Variants in DDO observed in about 807,000 individuals in gnomAD.
DDO encodes D-aspartate oxidase, DDO.
Under a neutral mutation model 16.8 loss-of-function variants are expected in DDO, and 16 were observed. The ratio of observed to expected loss-of-function variants is 0.95; its 90% CI spans 0.65 to 1.45. DDO has a LOEUF of 1.45. Among genes scored for constraint, DDO ranks in the 40% most tolerant of loss-of-function variants. The probability of loss-of-function intolerance (pLI) is 0.00; values close to 1 mark genes in which losing one functional copy is unlikely to be tolerated. For missense variants in DDO, 429 were observed against 420.3 expected, an observed-to-expected ratio of 1.02 and a Z score of -0.18; for synonymous variants, 180 against 167.2, an observed-to-expected ratio of 1.08 and a Z score of -0.59.
intron 1 of DDO, 113 bp from the exon 2 acceptor site, chr6:110,413,579 T>A: frequency 9.4e-7 from 1 of 1,059,162 alleles, no homozygotes; most frequent in Non-Finnish European, 1.4e-6. Context: ...GAATAAGACT[T>A]AGCCTATTGG....
intron 1 of DDO, among the ~76,000 whole-genome samples, chr6:110,414,307 GC>G (rs1316754797): frequency 6.6e-6 from 1 of 152,224 alleles, no homozygotes; most frequent in Non-Finnish European, 1.5e-5. Flanking sequence ...ACTGTCACCG[GC>G]CCCCTGTCTG....
rs750913878 is a variant in DDO, at chr6:110,413,247, A to G, written c.172+44T>C. ...AATAGAATTCCACTAACATCATTCTATCTGACATCTATTGTATCTGATAGA... is the reference window on the plus strand; with the variant it reads ...AATAGAATTCCACTAACATCATTCTGTCTGACATCTATTGTATCTGATAGA... On this transcript the variant is annotated intron_variant, in intron 2 of 4. Transcript: ENST00000368924. 3.1e-6 allele frequency: 5 copies of G among 1,593,978 alleles called. No individual in the cohort carries two copies. The African/African-American group carries it at 4.0e-5, about 13-fold the overall frequency.
At chr6:110,390,329 A>G (rs892661340), downstream of DDO, among the ~76,000 whole-genome samples, 5 of 152,206 alleles carry the variant, frequency 3.3e-5, no homozygotes, top group Non-Finnish European at 5.9e-5. Flanking sequence ...CACCCACCAA[A>G]GATTCTAATT....
chr6:110,401,463 TTAA>T (rs1773483389), intron 4 of DDO, among the ~76,000 whole-genome samples: 1 of 147,692 alleles, frequency 6.8e-6, no homozygotes, highest in Admixed American at 6.7e-5. Context: ...AAAAAGTGCT[TTAA>T]AAAAAAAAAA....
intron 4 of DDO, among the ~76,000 whole-genome samples, chr6:110,397,233 T>C (rs1236192087): frequency 6.6e-6 from 1 of 152,212 alleles, no homozygotes; most frequent in Non-Finnish European, 1.5e-5. Flanking sequence ...AAAAAGTGCT[T>C]AGGGGTTTTT....
At chr6:110,395,002 G>A (rs1773246294) in intron 4 of DDO, among the ~76,000 whole-genome samples, 3 of 152,310 alleles carry the variant, frequency 2.0e-5, no homozygotes, top group Admixed American at 1.3e-4. Context: ...CTGGAAGTAA[G>A]TGTTAGCCAA....
intron 4 of DDO, among the ~76,000 whole-genome samples, chr6:110,394,602 C>T (rs1773230658): frequency 6.6e-6 from 1 of 152,168 alleles, no homozygotes; most frequent in African/African-American, 2.4e-5. Context: ...TGACAGTGCC[C>T]TTCGTCAAGG....
chr6:110,403,667 T>C (rs1773554842), intron 4 of DDO, among the ~76,000 whole-genome samples: 1 of 152,234 alleles, frequency 6.6e-6, no homozygotes, highest in Non-Finnish European at 1.5e-5. Context: ...TAGATTACGA[T>C]GCCACTGACA....
chr6:110,403,910 G>A (rs933039998), intron 4 of DDO, among the ~76,000 whole-genome samples: 1 of 152,192 alleles, frequency 6.6e-6, no homozygotes, highest in African/African-American at 2.4e-5. Flanking sequence ...AACAAAAGTT[G>A]TGTAATTAAT....
At chr6:110,405,409 C>T (rs191588399) in intron 3 of DDO, among the ~76,000 whole-genome samples, 5 of 152,284 alleles carry the variant, frequency 3.3e-5, no homozygotes, top group Admixed American at 3.3e-4. Flanking sequence ...CTCTTAGGTT[C>T]AGATAACTCA....
intron 1 of DDO, among the ~76,000 whole-genome samples, chr6:110,413,788 C>A (rs1773945868): frequency 6.6e-6 from 1 of 151,722 alleles, no homozygotes; most frequent in South Asian, 2.1e-4. Flanking sequence ...TTTTTTTTCC[C>A]CCTGAAAGGG....
Position 110,392,810 on chromosome 6 carries a change from C to T in DDO, c.991G>A (p.Ala331Thr), listed in dbSNP as rs757897584. The stretch of plus-strand genomic sequence containing the variant: ...GACTTGGGAATGGGGGTCCTGAGGG[C>T]ATGGACACACTCGCTCACCAGCCTG... ...AARLVSECVHALRTPIPKSNL is the reference protein window; with the variant it reads ...AARLVSECVHTLRTPIPKSNL Residue 331 changes from alanine to threonine, a missense_variant, in exon 5 of 5, where the codon GCC becomes ACC. Transcript: ENST00000368924. The T allele has an allele frequency of 6.3e-7, 1 of 1,597,996 alleles. No individual in the cohort carries two copies. The highest frequency in any genetic ancestry group is 1.1e-5 in the South Asian group (1 of 88,902).
intron 4 of DDO, among the ~76,000 whole-genome samples, chr6:110,400,539 T>C (rs1236159784): frequency 3.9e-5 from 6 of 152,172 alleles, no homozygotes; most frequent in Admixed American, 3.9e-4. Context: ...CCTCTTCAGG[T>C]GCCCTGGGCC....
At chr6:110,403,539 T>A (rs530668867) in intron 4 of DDO, among the ~76,000 whole-genome samples, 1 of 152,328 alleles carries the variant, frequency 6.6e-6, no homozygotes, top group African/African-American at 2.4e-5. Flanking sequence ...GTTTATGGGC[T>A]GGTGAACAAG....
Position 110,413,390 on chromosome 6 carries a change from G to A in DDO, c.73C>T (p.Leu25=). 6.2e-7 allele frequency: 1 copy of A among 1,614,168 alleles called. No individual in the cohort carries two copies. The change falls in exon 2 of 5, where the codon CTG becomes TTG. Residue 25 remains leucine (L), a synonymous_variant. Coordinates refer to ENST00000368924, the MANE Select transcript of DDO (RefSeq NM_001372108.2). ...ATGGTAACGGAGCATCGGGGCACCAGTTTGGAGATGCACACAGCCGTGGAG... is the reference window on the plus strand; with the variant it reads ...ATGGTAACGGAGCATCGGGGCACCAATTTGGAGATGCACACAGCCGTGGAG... The part of the protein sequence containing the change: ...GLSTAVCISK[L]VPRCSVTIIS...
chr6:110,411,158 C>T (rs554150413), intron 2 of DDO, among the ~76,000 whole-genome samples: 91 of 152,200 alleles, frequency 6.0e-4, no homozygotes, highest in African/African-American at 2.1e-3. Flanking sequence ...AAACAGGACC[C>T]GCCCAAGAAG....
intron 4 of DDO, among the ~76,000 whole-genome samples, chr6:110,404,011 A>G (rs1773566838): frequency 6.6e-6 from 1 of 152,234 alleles, no homozygotes; most frequent in South Asian, 2.1e-4. Context: ...CAACATTTAC[A>G]CAATAATTCA....
chr6:110,393,220 G>A lies in DDO; in HGVS notation c.581C>T (p.Ser194Leu), dbSNP rs145245009. 4.3e-5 allele frequency: 70 copies of A among 1,614,246 alleles called. 1 individual carries two copies. In the African/African-American group the frequency reaches 8.7e-4, roughly 20 times the overall value. ...TTGGCCCCTTACAGGGAAAATCTTT[G>A]AGTCTCCTGCAAGCTGTCTGCTTCC... Reference protein sequence around the residue: ...GLGSRQLAGDSKIFPVRGQVL... With the variant: ...GLGSRQLAGDLKIFPVRGQVL... Residue 194 changes from serine (S) to leucine (L), a missense_variant, in exon 5 of 5, where the codon TCA (serine) becomes TTA (leucine). Physicochemically the swap from Ser to Leu is moderately radical, Grantham distance 145 (BLOSUM62 -2). Transcript: ENST00000368924.
rs1582466595 is a variant in DDO, at chr6:110,392,652, C to G, written c.*123G>C. 1.9e-5 allele frequency: 26 copies of G among 1,392,526 alleles called. No homozygotes were observed. The East Asian group carries it at 6.8e-4, about 36-fold the overall frequency. The allele number at this position is 1,392,526 out of a possible 1,614,324, so 86.3% of individuals were successfully genotyped here. A position where few individuals can be genotyped will look rare whatever the true frequency, so the allele number is the denominator to read the frequency against. The stretch of plus-strand genomic sequence containing the variant: ...ACCGTGCTCAGCTTACATGTTACAC[C>G]ACTTCTAATGTTGAAAACAAAGAAA... On this transcript the variant is annotated 3_prime_UTR_variant, in exon 5 of 5. Coordinates refer to ENST00000368924, the MANE Select transcript of DDO (RefSeq NM_001372108.2).
Sources: gnomAD v4.1 joint callset for allele counts (sites outside exome capture counted in the v4.1 genomes callset) on GRCh38, gnomAD v4.1.1 for gene constraint, MANE v1.5 for transcripts, NCBI Gene and HGNC (gene_info 2026-07-23, HGNC 2026-07-21) for gene names.